The following NBPF11 variants were observed in gnomAD, a reference collection of about 807,000 sequenced individuals.
The protein encoded by NBPF11 is NBPF member 11.
NBPF11 carries 72 observed loss-of-function variants against 93.9 expected under a neutral mutation model. That is an observed-to-expected ratio of 0.77 (90% CI 0.63 to 0.93). The LOEUF (loss-of-function observed/expected upper bound fraction) is 0.93. Ranked by LOEUF, NBPF11 falls within the 40% of genes least tolerant of loss-of-function variation. The probability of loss-of-function intolerance (pLI) is 0.00; values close to 1 mark genes in which losing one functional copy is unlikely to be tolerated. For missense variants in NBPF11, 705 were observed against 802.2 expected (o/e 0.88, Z 1.46); for synonymous variants, 224 against 304.9 (o/e 0.73, Z 2.76).
chr1:148,105,791 A>G (rs61811997), intron 21 of NBPF11, among the ~76,000 whole-genome samples: 1 of 105,298 alleles, frequency 9.5e-6, no homozygotes, highest in African/African-American at 4.8e-5. Flanking sequence ...GAGAGAGAGA[A>G]AACGAGCTCA....
intron 17 of NBPF11, among the ~76,000 whole-genome samples, chr1:148,108,970 CA>C (rs1664566520): frequency 6.6e-6 from 1 of 151,336 alleles, no homozygotes; most frequent in Non-Finnish European, 1.5e-5. Flanking sequence ...TCTCAGGACA[CA>C]CAGTGAACAG....
chr1:148,104,078 G>A (rs1323808049), intron 23 of NBPF11, among the ~76,000 whole-genome samples, 166 bp from the exon 24 acceptor site: 3 of 149,448 alleles, frequency 2.0e-5, no homozygotes, highest in Non-Finnish European at 4.4e-5. Context: ...ACAGGGCCAG[G>A]TAGAAAACAA....
At chr1:148,121,338 T>G (rs1235610428) in intron 9 of NBPF11, among the ~76,000 whole-genome samples, 11 of 148,598 alleles carry the variant, frequency 7.4e-5, no homozygotes, top group African/African-American at 2.8e-4. Context: ...CCAGCGTCCC[T>G]GGTCAGAGAC....
chr1:148,115,993 A>T lies in NBPF11; in HGVS notation c.1385T>A (p.Met462Lys). 6.5e-7 allele frequency: 1 copy of T among 1,536,916 alleles called. No homozygotes were observed. The highest frequency in any genetic ancestry group is 8.9e-7 in the Non-Finnish European group (1 of 1,120,278). ...KVQKSSSPRE[M>K]QKAEEKEVPE... ...GACTTCCTTTTCTTCAGCCTTCTGCATCTCCCTGATGAGCCAGGTGGGACA... is the reference window on the plus strand; with the variant it reads ...GACTTCCTTTTCTTCAGCCTTCTGCTTCTCCCTGATGAGCCAGGTGGGACA... The change falls in exon 14 of 24, where the codon ATG becomes AAG. Residue 462 changes from methionine to lysine, a missense_variant. Physicochemically the swap from Met to Lys is moderately conservative, Grantham distance 95. Around this residue, in one of 12 missense-constraint regions of NBPF11, gnomAD observed 54 missense variants for 91.8 expected, o/e 0.59. Transcript: ENST00000682118.
chr1:148,146,183 C>T (rs1672990934), intron 1 of NBPF11, among the ~76,000 whole-genome samples: 2 of 151,634 alleles, frequency 1.3e-5, no homozygotes, highest in African/African-American at 4.9e-5. Context: ...GACATGGAGA[C>T]CTGTGGTTGC....
chr1:148,117,176 A>G (rs1666771292), intron 12 of NBPF11, among the ~76,000 whole-genome samples: 1 of 151,708 alleles, frequency 6.6e-6, no homozygotes, highest in Non-Finnish European at 1.5e-5. Flanking sequence ...AGAGAGAGAA[A>G]CTCAGGAAGG....
intron 10 of NBPF11, among the ~76,000 whole-genome samples, chr1:148,119,765 A>C (rs1462281536): frequency 7.0e-4 from 105 of 150,026 alleles, no homozygotes; most frequent in African/African-American, 1.3e-3. Flanking sequence ...AAAGGATTCT[A>C]CTGCCTCAGC....
intron 1 of NBPF11, among the ~76,000 whole-genome samples, chr1:148,148,594 G>C (rs1256892805): frequency 2.6e-4 from 39 of 152,128 alleles, no homozygotes; most frequent in Non-Finnish European, 4.1e-4. Flanking sequence ...CCTCGATGCT[G>C]ACCTGGGTTG....
At chr1:148,132,507 A>G (rs1283661024) in intron 4 of NBPF11, among the ~76,000 whole-genome samples, 2 of 150,084 alleles carry the variant, frequency 1.3e-5, no homozygotes, top group African/African-American at 4.9e-5. Flanking sequence ...TGGTAGAATC[A>G]GCTTGAAAAT....
intron 18 of NBPF11, among the ~76,000 whole-genome samples, 191 bp downstream of exon 18, chr1:148,108,291 G>A (rs1489193445): frequency 6.6e-6 from 1 of 151,846 alleles, no homozygotes; most frequent in African/African-American, 2.4e-5. Context: ...TAGGAAGAGA[G>A]CCTTGCTCAC....
At chr1:148,148,135 G>T (rs1647230403) in intron 1 of NBPF11, among the ~76,000 whole-genome samples, 2 of 152,202 alleles carry the variant, frequency 1.3e-5, no homozygotes, top group South Asian at 4.1e-4. Context: ...CCGAGGCAGA[G>T]CTGGGGCCAC....
chr1:148,120,364 T>C, intron 10 of NBPF11, 137 bp downstream of exon 10: 1 of 653,236 alleles, frequency 1.5e-6, no homozygotes, highest in East Asian at 2.8e-5. Context: ...TTTAACAAAA[T>C]GTTAAAATAC....
chr1:148,102,552 C>T lies in NBPF11; in HGVS notation c.*1344G>A, dbSNP rs1662574445. 1 of 151,568 alleles carries T rather than the reference C, an allele frequency of 6.6e-6. No homozygotes were observed. The highest frequency in any genetic ancestry group is 6.6e-5 in the Admixed American group (1 of 15,250). The allele number at this position is 151,568 out of a possible 1,614,324, so 9.4% of individuals were successfully genotyped here. A position where few individuals can be genotyped will look rare whatever the true frequency, so the allele number is the denominator to read the frequency against. ...CCCGCAGATGGGCTGAGGTTGGAAA[C>T]TCACAGCATTGTCTCTGCAGTGTTC... On this transcript the variant is annotated 3_prime_UTR_variant, in exon 24 of 24. Coordinates refer to ENST00000682118, the MANE Select transcript of NBPF11 (RefSeq NM_001385469.3).
intron 15 of NBPF11, among the ~76,000 whole-genome samples, chr1:148,111,944 T>C (rs1665383687): frequency 6.7e-6 from 1 of 150,264 alleles, no homozygotes; most frequent in Non-Finnish European, 1.5e-5. Flanking sequence ...CCAGGACACA[T>C]AATTGTCAGA....
intron 13 of NBPF11, among the ~76,000 whole-genome samples, 195 bp from the exon 14 acceptor site, chr1:148,116,193 A>G (rs1257254338): frequency 4.0e-5 from 6 of 151,898 alleles, no homozygotes; most frequent in Non-Finnish European, 8.8e-5. Flanking sequence ...ACCAGAGAGG[A>G]AGAGAGCAGC....
chr1:148,116,265 C>T (rs1164590072), intron 13 of NBPF11, among the ~76,000 whole-genome samples, 198 bp downstream of exon 13: 18 of 151,942 alleles, frequency 1.2e-4, no homozygotes, highest in African/African-American at 3.1e-4. Flanking sequence ...TATCCCTGTA[C>T]GGTGCAGACA....
rs1671207183 is a variant in NBPF11, at chr1:148,135,942, C to T, written c.-177-129G>A. 20 of 686,894 alleles carry T rather than the reference C, an allele frequency of 2.9e-5. No individual in the cohort carries two copies. The Admixed American group carries it at 4.3e-4, about 15-fold the overall frequency. The allele number at this position is 686,894 out of a possible 1,614,324, so 42.5% of individuals were successfully genotyped here. ...GCCTGAGAGAAGCTCATACTGGTCACAGGATTCTTTACATGATTAAACTCC... is the reference window on the plus strand; with the variant it reads ...GCCTGAGAGAAGCTCATACTGGTCATAGGATTCTTTACATGATTAAACTCC... On this transcript the variant is annotated intron_variant, in intron 3 of 23. Transcript: ENST00000682118.
intron 3 of NBPF11, among the ~76,000 whole-genome samples, chr1:148,137,087 G>C (rs1426274416): frequency 4.6e-5 from 7 of 152,034 alleles, no homozygotes; most frequent in Admixed American, 1.3e-4. Context: ...AGCCTCTTAA[G>C]GTGATGAGAC....
chr1:148,109,931 T>G (rs2149188289), intron 16 of NBPF11, among the ~76,000 whole-genome samples: 1 of 141,612 alleles, frequency 7.1e-6, no homozygotes, highest in South Asian at 2.4e-4. Context: ...CTGGGTCACA[T>G]CTTTCACTGA....
Sources: gnomAD v4.1 joint callset for allele counts (sites outside exome capture counted in the v4.1 genomes callset) on GRCh38, gnomAD v4.1.1 for gene constraint, gnomAD v4.1.1 regional missense constraint, MANE v1.5 for transcripts, NCBI Gene and HGNC (gene_info 2026-07-23, HGNC 2026-07-21) for gene names.